Variants in ZC3H13 observed in about 807,000 individuals in gnomAD.
ZC3H13 encodes the protein zinc finger CCCH-type containing 13, also known as zinc finger CCCH domain-containing protein 13.
A neutral mutation model predicts 204.1 loss-of-function variants in ZC3H13; 64 were observed. That is an observed-to-expected ratio of 0.31 (90% CI 0.26 to 0.39). The LOEUF (loss-of-function observed/expected upper bound fraction) is 0.39. Among genes scored for constraint, ZC3H13 ranks in the 10% least tolerant of loss-of-function variants. ZC3H13 has a pLI of 1.00. For missense variants in ZC3H13, 1,833 were observed against 2,082.7 expected, an observed-to-expected ratio of 0.88 and a Z score of 2.33; for synonymous variants, 667 against 693.7, an observed-to-expected ratio of 0.96 and a Z score of 0.60.
Position 46,042,280 on chromosome 13 carries a change from G to C in ZC3H13, c.228-5C>G. On this transcript the variant is annotated splice_region_variant and splice_polypyrimidine_tract_variant and intron_variant, in intron 3 of 18. Coordinates refer to ENST00000679008, the MANE Select transcript of ZC3H13 (RefSeq NM_001330564.2). ...CCTGTAGGTCTTTCTGGTGACCTTT[G>C]AACCAAAACACAGAAACAAAACAAA... is the stretch of plus-strand genomic sequence containing the variant. The C allele has an allele frequency of 6.2e-7, 1 of 1,600,834 alleles. No individual in the cohort carries two copies. The highest frequency in any genetic ancestry group is 8.5e-7 in the Non-Finnish European group (1 of 1,171,920).
intron 1 of ZC3H13, among the ~76,000 whole-genome samples, chr13:46,048,304 G>A (rs927569100): frequency 2.0e-4 from 30 of 152,106 alleles, no homozygotes; most frequent in Non-Finnish European, 3.5e-4. Context: ...TTCGCCGGGC[G>A]CGGTGGCTCA....
intron 5 of ZC3H13, among the ~76,000 whole-genome samples, chr13:46,013,980 G>A (rs2041745900): frequency 6.6e-6 from 1 of 152,042 alleles, no homozygotes; most frequent in African/African-American, 2.4e-5. Flanking sequence ...ATTTTTTCAT[G>A]TATTCAGGAG....
At chr13:45,971,637 G>A (rs900787224) in intron 12 of ZC3H13, among the ~76,000 whole-genome samples, 2 of 152,012 alleles carry the variant, frequency 1.3e-5, no homozygotes, top group Non-Finnish European at 2.9e-5. Context: ...AAAAGCAAAC[G>A]CAACGAAACC....
At position 46,003,220 on chromosome 13, in the gene ZC3H13, T is replaced by C. The variant is rs2040875841; in HGVS notation, c.863A>G (p.Asp288Gly). ...KKYKEKYKVKDRIEEKTRDGK... is the reference protein window; with the variant it reads ...KKYKEKYKVKGRIEEKTRDGK... The stretch of plus-strand genomic sequence containing the variant: ...ATCTCTTGTTTTTTCTTCTATCCTG[T>C]CTTTTACTTTATATTTTTCTTTGTA... The change falls in exon 8 of 19, where the codon GAC (aspartate) becomes GGC (glycine). Residue 288 changes from aspartate to glycine, a missense_variant. Physicochemically the swap from Asp to Gly is moderately conservative, Grantham distance 94. Around this residue, in one of 5 missense-constraint regions of ZC3H13, gnomAD observed 1,574 missense variants for 1,757.2 expected, o/e 0.90. Transcript: ENST00000679008. 1 of 1,613,368 alleles carries C rather than the reference T, an allele frequency of 6.2e-7. No individual in the cohort carries two copies. The highest frequency in any genetic ancestry group is 1.7e-5 in the Admixed American group (1 of 59,960).
chr13:45,975,379 T>C lies in ZC3H13; in HGVS notation c.2372A>G (p.Glu791Gly). 1.9e-6 allele frequency: 3 copies of C among 1,614,082 alleles called. No individual in the cohort carries two copies. The highest frequency in any genetic ancestry group is 2.5e-6 in the Non-Finnish European group (3 of 1,180,000). Reference protein sequence around the residue: ...DKERERQRDWEDKDKGRDDRR... With the variant: ...DKERERQRDWGDKDKGRDDRR... ...GTCATCTCGTCCTTTGTCTTTGTCT[T>C]CCCAATCCCTTTGGCGTTCTCGTTC... is the stretch of plus-strand genomic sequence containing the variant. The change falls in exon 12 of 19, where the codon GAA (glutamate) becomes GGA (glycine). Residue 791 changes from glutamate (E) to glycine (G), a missense_variant. Glu to Gly is a moderately conservative substitution (Grantham distance 98). Around this residue, in one of 5 missense-constraint regions of ZC3H13, gnomAD observed 1,574 missense variants for 1,757.2 expected, o/e 0.90. Coordinates refer to ENST00000679008, the MANE Select transcript of ZC3H13 (RefSeq NM_001330564.2).
chr13:46,027,466 A>G (rs1011295501), intron 4 of ZC3H13, among the ~76,000 whole-genome samples: 8 of 152,230 alleles, frequency 5.3e-5, no homozygotes, highest in African/African-American at 1.9e-4. Flanking sequence ...GAAAACTTAC[A>G]TGAAAAACGG....
At chr13:46,052,352 G>A (rs1431348264) in intron 1 of ZC3H13, 52 bp downstream of exon 1, 1 of 394,786 alleles carries the variant, frequency 2.5e-6, no homozygotes, top group African/African-American at 2.1e-5. Context: ...CCGCATTACG[G>A]GTCCGCTCAA....
chr13:46,043,175 T>C (rs2043707663), intron 3 of ZC3H13, among the ~76,000 whole-genome samples: 1 of 151,882 alleles, frequency 6.6e-6, no homozygotes, highest in South Asian at 2.1e-4. Flanking sequence ...AAGTACTATA[T>C]ATAAAAAAGA....
chr13:45,997,168 T>A (rs1295134739), intron 8 of ZC3H13, among the ~76,000 whole-genome samples: 1 of 152,190 alleles, frequency 6.6e-6, no homozygotes, highest in Admixed American at 6.5e-5. Flanking sequence ...CTGAGTAAAG[T>A]TAAGTTGGAA....
chr13:46,035,256 G>A (rs1166830100), intron 4 of ZC3H13, among the ~76,000 whole-genome samples: 1 of 152,186 alleles, frequency 6.6e-6, no homozygotes, highest in Non-Finnish European at 1.5e-5. Flanking sequence ...ACCTTCAAGT[G>A]ATTCCAGCCT....
chr13:46,045,702 T>C (rs2043903566), intron 1 of ZC3H13, among the ~76,000 whole-genome samples, 186 bp from the exon 2 acceptor site: 1 of 151,994 alleles, frequency 6.6e-6, no homozygotes, highest in Non-Finnish European at 1.5e-5. Flanking sequence ...TTCTAAAACA[T>C]GCCTTACTGG....
intron 13 of ZC3H13, 28 bp from the exon 14 acceptor site, chr13:45,969,999 T>A (rs1226918289): frequency 1.3e-6 from 2 of 1,574,396 alleles, no homozygotes; most frequent in Non-Finnish European, 1.7e-6. Context: ...GCAATCACAC[T>A]CTCACCAGGT....
At chr13:45,998,675 T>G (rs2138431358) in intron 8 of ZC3H13, among the ~76,000 whole-genome samples, 1 of 152,054 alleles carries the variant, frequency 6.6e-6, no homozygotes, top group East Asian at 1.9e-4. Context: ...GTACATAACT[T>G]AATTTTTAAA....
At chr13:45,978,785 G>T (rs1953290878) in intron 11 of ZC3H13, among the ~76,000 whole-genome samples, 1 of 151,718 alleles carries the variant, frequency 6.6e-6, no homozygotes, top group South Asian at 2.1e-4. Context: ...AAAGTCCCAG[G>T]GAAGAAAAAA....
Position 45,956,207 on chromosome 13 carries a change from C to T in ZC3H13, c.*920G>A, listed in dbSNP as rs1043775496. 2 of 152,072 alleles carry T rather than the reference C, an allele frequency of 1.3e-5. No individual in the cohort carries two copies. The highest frequency in any genetic ancestry group is 2.9e-5 in the Non-Finnish European group (2 of 67,980). The allele number at this position is 152,072 out of a possible 1,614,324, so 9.4% of individuals were successfully genotyped here. ...TAGTAGAATATTAAACCTCAGGTTA[C>T]GTTAGGTTTGTTAACTCTTGATTTG... On this transcript the variant is annotated 3_prime_UTR_variant, in exon 19 of 19. Transcript: ENST00000679008.
intron 13 of ZC3H13, 69 bp from the exon 14 acceptor site, chr13:45,970,040 T>C: frequency 6.7e-7 from 1 of 1,500,530 alleles, no homozygotes; most frequent in Non-Finnish European, 8.8e-7. Context: ...ATATAGATTA[T>C]AATAATTTCT....
chr13:46,045,697 A>C (rs572759222), intron 1 of ZC3H13, among the ~76,000 whole-genome samples, 181 bp from the exon 2 acceptor site: 1 of 152,288 alleles, frequency 6.6e-6, no homozygotes, highest in South Asian at 2.1e-4. Flanking sequence ...ATATCTTCTA[A>C]AACATGCCTT....
intron 2 of ZC3H13, 140 bp from the exon 3 acceptor site, chr13:46,045,204 G>GA (rs1424316604): frequency 6.2e-6 from 6 of 960,686 alleles, no homozygotes; most frequent in South Asian, 1.8e-5. Flanking sequence ...AAAACTTCAG[G>GA]AAAAAAATAT....
intron 18 of ZC3H13, among the ~76,000 whole-genome samples, chr13:45,957,721 A>G (rs1951364018): frequency 6.6e-6 from 1 of 152,182 alleles, no homozygotes; most frequent in Non-Finnish European, 1.5e-5. Flanking sequence ...CTTCAGTTCT[A>G]TGAAGGTAAG....
Sources: gnomAD v4.1 joint callset for allele counts (sites outside exome capture counted in the v4.1 genomes callset) on GRCh38, gnomAD v4.1.1 for gene constraint, gnomAD v4.1.1 regional missense constraint, MANE v1.5 for transcripts, NCBI Gene and HGNC (gene_info 2026-07-23, HGNC 2026-07-21) for gene names.